DGCR2: variants seen among roughly 807,000 people sequenced by gnomAD.
DGCR2 encodes DiGeorge syndrome critical region gene 2.
Under a neutral mutation model 51.6 loss-of-function variants are expected in DGCR2, and 24 were observed. The observed-to-expected ratio is 0.47, with a 90% CI of 0.34 to 0.65. The LOEUF is 0.65. Among genes scored for constraint, DGCR2 ranks in the 30% least tolerant of loss-of-function variants. The pLI is 0.01. For missense variants in DGCR2, 765 were observed against 772.1 expected (o/e 0.99, Z 0.11); for synonymous variants, 340 against 315.4 (o/e 1.08, Z -0.82).
intron 1 of DGCR2, among the ~76,000 whole-genome samples, chr22:19,091,853 T>G (rs568943520): frequency 1.3e-5 from 2 of 151,766 alleles, no homozygotes; most frequent in African/African-American, 4.8e-5. Context: ...GGCAGGAGAA[T>G]CGCTTGAACC....
At chr22:19,042,103 T>C (rs2082439619) in intron 7 of DGCR2, 144 bp from the exon 8 acceptor site, 1 of 999,502 alleles carries the variant, frequency 1.0e-6, no homozygotes, top group Non-Finnish European at 1.4e-6. Context: ...TTAGGATACA[T>C]GTGAAATAAG....
intron 5 of DGCR2, chr22:19,061,890 T>A (rs2082667377): frequency 6.6e-6 from 1 of 152,166 alleles, no homozygotes; most frequent in Non-Finnish European, 1.5e-5. Context: ...AATCTTTTTC[T>A]AAATTTTAGG....
chr22:19,056,578 A>C, intron 6 of DGCR2: 2 of 348,426 alleles, frequency 5.7e-6, no homozygotes, highest in East Asian at 6.1e-5. Context: ...CACACACACC[A>C]TAGACTGGCA....
intron 1 of DGCR2, among the ~76,000 whole-genome samples, chr22:19,099,696 C>T (rs1026162526): frequency 4.6e-5 from 7 of 151,968 alleles, no homozygotes; most frequent in African/African-American, 1.7e-4. Context: ...CTTGGCCAGG[C>T]GTGGTGGCTC....
At chr22:19,121,277 A>G (rs2083428721) in intron 1 of DGCR2, among the ~76,000 whole-genome samples, 1 of 152,204 alleles carries the variant, frequency 6.6e-6, no homozygotes, top group Admixed American at 6.5e-5. Flanking sequence ...ATTTGACCTA[A>G]AAGTTCATTT....
At chr22:19,041,440 G>T in intron 8 of DGCR2, 146 bp from the exon 9 acceptor site, 1 of 759,698 alleles carries the variant, frequency 1.3e-6, no homozygotes, top group Non-Finnish European at 2.1e-6. Flanking sequence ...GGCCACATTC[G>T]GCATCCCCAT....
chr22:19,105,730 G>A (rs972552866), intron 1 of DGCR2, among the ~76,000 whole-genome samples: 3 of 152,048 alleles, frequency 2.0e-5, no homozygotes, highest in Non-Finnish European at 2.9e-5. Flanking sequence ...AGACCTGGGA[G>A]GGCAGAGCTA....
chr22:19,107,055 T>A (rs931900469), intron 1 of DGCR2, among the ~76,000 whole-genome samples: 10 of 152,192 alleles, frequency 6.6e-5, no homozygotes, highest in African/African-American at 2.4e-4. Flanking sequence ...ATTTTACACC[T>A]GCAAACACTC....
intron 1 of DGCR2, among the ~76,000 whole-genome samples, chr22:19,099,654 G>A (rs2083179861): frequency 6.6e-6 from 1 of 151,906 alleles, no homozygotes; most frequent in African/African-American, 2.4e-5. Context: ...TGCAACTTCT[G>A]CCACATACAA....
rs545776677 is a variant in DGCR2 at position 19,074,374 on chromosome 22, C to T, written c.203-6149G>A. On this transcript the variant is annotated intron_variant, in intron 2 of 9. Coordinates refer to ENST00000263196, the MANE Select transcript of DGCR2 (RefSeq NM_005137.3). ...CTAGGAGGTTGCAGTGAGCCGAGAT[C>T]GCGCCACTCCACTCCAGCCTGGGCC... 2.1e-4 allele frequency among the ~76,000 whole-genome samples: 32 copies of T among 149,370 alleles called. No individual in the cohort carries two copies. The South Asian group carries it at 6.6e-3, about 31-fold the overall frequency.
intron 1 of DGCR2, among the ~76,000 whole-genome samples, chr22:19,104,286 T>A (rs2083238579): frequency 6.6e-6 from 1 of 152,154 alleles, no homozygotes; most frequent in African/African-American, 2.4e-5. Flanking sequence ...CAGGAATTAG[T>A]GGATTCATGC....
At chr22:19,062,777 TCA>T (rs1224791034) in intron 5 of DGCR2, among the ~76,000 whole-genome samples, 12 of 125,312 alleles carry the variant, frequency 9.6e-5, no homozygotes, top group Non-Finnish European at 1.0e-4. Context: ...ACATGCATGC[TCA>T]CTCTCTCTCT....
chr22:19,042,096 G>A, intron 7 of DGCR2, 137 bp from the exon 8 acceptor site: 1 of 1,039,122 alleles, frequency 9.6e-7, no homozygotes, highest in East Asian at 2.7e-5. Flanking sequence ...ACCATCTTTA[G>A]GATACATGTG....
intron 3 of DGCR2, among the ~76,000 whole-genome samples, chr22:19,065,459 T>C (rs1557844): frequency 0.49 from 74,971 of 151,978 alleles, 19,631 homozygotes; most frequent in African/African-American, 0.68. Flanking sequence ...GCCAGCTAGC[T>C]CACTCCCCTC....
At chr22:19,060,789 G>A (rs762506101) in intron 5 of DGCR2, 2 of 463,558 alleles carry the variant, frequency 4.3e-6, no homozygotes, top group Admixed American at 2.4e-5. Flanking sequence ...TGGCCCCCAG[G>A]CGGGGCTCAC....
At chr22:19,075,743 G>A (rs1043086491) in intron 2 of DGCR2, among the ~76,000 whole-genome samples, 1 of 152,194 alleles carries the variant, frequency 6.6e-6, no homozygotes, top group African/African-American at 2.4e-5. Context: ...CATCCATGCT[G>A]TAGCATGTGT....
chr22:19,053,134 ACCTGGAGCCTTTAGGGC>A (rs1468104468), intron 6 of DGCR2, among the ~76,000 whole-genome samples: 2 of 152,328 alleles, frequency 1.3e-5, no homozygotes, highest in African/African-American at 4.8e-5. Flanking sequence ...ATCAGAGCAT[ACCTGGAGCCTTTAGGGC>A]CCTGGTGAAA....
At chr22:19,083,465 T>C (rs138627481) in intron 2 of DGCR2, among the ~76,000 whole-genome samples, 40 of 152,330 alleles carry the variant, frequency 2.6e-4, no homozygotes, top group Non-Finnish European at 4.9e-4. Flanking sequence ...AATCGACTTA[T>C]CGCATTTCAC....
At chr22:19,089,527 G>A in intron 1 of DGCR2, 37 bp from the exon 2 acceptor site, 1 of 1,497,354 alleles carries the variant, frequency 6.7e-7, no homozygotes, top group South Asian at 1.3e-5. Flanking sequence ...TTGAGGAAGT[G>A]GCAGTAGGCC....
Sources: gnomAD v4.1 joint callset for allele counts (sites outside exome capture counted in the v4.1 genomes callset) on GRCh38, gnomAD v4.1.1 for gene constraint, MANE v1.5 for transcripts, NCBI Gene and HGNC (gene_info 2026-07-23, HGNC 2026-07-21) for gene names.